Variants in KCNJ15 observed in about 807,000 individuals in gnomAD.
The protein encoded by KCNJ15 is ATP-sensitive inward rectifier potassium channel 15.
A neutral mutation model predicts 23.0 loss-of-function variants in KCNJ15; 14 were observed. The ratio of observed to expected loss-of-function variants is 0.61; its 90% CI spans 0.40 to 0.95. The LOEUF (loss-of-function observed/expected upper bound fraction) is 0.95, where lower values mean the gene tolerates loss of function less well. Ranked by LOEUF, KCNJ15 falls within the 40% of genes least tolerant of loss-of-function variation. The pLI, the probability that KCNJ15 is intolerant of heterozygous loss-of-function variation, is 0.00. For missense variants in KCNJ15, 388 were observed against 461.8 expected (o/e 0.84, Z 1.46); for synonymous variants, 185 against 183.2 (o/e 1.01, Z -0.08).
At chr21:38,276,971 T>A (rs1007191567) in intron 1 of KCNJ15, among the ~76,000 whole-genome samples, 1 of 151,862 alleles carries the variant, frequency 6.6e-6, no homozygotes, top group Non-Finnish European at 1.5e-5. Context: ...AAAAAGAGAC[T>A]CCCACCTTCT....
At chr21:38,256,173 G>A (rs1035762383), upstream of KCNJ15, among the ~76,000 whole-genome samples, 1 of 151,790 alleles carries the variant, frequency 6.6e-6, no homozygotes, top group African/African-American at 2.4e-5. Flanking sequence ...CCCCATTCCC[G>A]AAAGAAGCTT....
intron 1 of KCNJ15, among the ~76,000 whole-genome samples, chr21:38,245,786 C>T (rs1028583025): frequency 3.9e-5 from 6 of 152,174 alleles, no homozygotes; most frequent in Non-Finnish European, 7.4e-5. Flanking sequence ...TCAAACAGAA[C>T]TTTGCCTGAC....
intron 1 of KCNJ15, among the ~76,000 whole-genome samples, chr21:38,296,358 T>G (rs530490571): frequency 6.6e-6 from 1 of 152,234 alleles, no homozygotes; most frequent in Non-Finnish European, 1.5e-5. Context: ...CCTCTTGAAT[T>G]TAAAGGAGAT....
intron 1 of KCNJ15, among the ~76,000 whole-genome samples, 164 bp downstream of exon 1, chr21:38,257,349 G>A (rs996220127): frequency 6.6e-6 from 1 of 152,152 alleles, no homozygotes; most frequent in Non-Finnish European, 1.5e-5. Flanking sequence ...TACAAGTGCT[G>A]TTTGCATGTG....
At chr21:38,274,842 G>T (rs1373864900) in intron 1 of KCNJ15, among the ~76,000 whole-genome samples, 2 of 152,048 alleles carry the variant, frequency 1.3e-5, no homozygotes, top group East Asian at 3.9e-4. Context: ...TTTAATACAG[G>T]CAGCCTCTAA....
chr21:38,233,773 C>T (rs534643373), intron 1 of KCNJ15, among the ~76,000 whole-genome samples: 1 of 152,000 alleles, frequency 6.6e-6, no homozygotes, highest in Non-Finnish European at 1.5e-5. Flanking sequence ...ATGTGTACTA[C>T]CTTAATGCAA....
At chr21:38,288,584 T>G (rs1471284057) in intron 1 of KCNJ15, among the ~76,000 whole-genome samples, 1 of 151,850 alleles carries the variant, frequency 6.6e-6, no homozygotes, top group African/African-American at 2.4e-5. Flanking sequence ...GTTACCCATA[T>G]TTATAAAACA....
At chr21:38,235,634 C>T (rs1471390307) in intron 1 of KCNJ15, among the ~76,000 whole-genome samples, 4 of 151,614 alleles carry the variant, frequency 2.6e-5, no homozygotes, top group East Asian at 1.9e-4. Flanking sequence ...TAGATACCCT[C>T]GATTGCTACC....
Position 38,299,643 on chromosome 21 carries a change from A to T in KCNJ15, c.382A>T (p.Ile128Phe). 2 of 1,614,142 alleles carry T rather than the reference A, an allele frequency of 1.2e-6. No homozygotes were observed. Among genetic ancestry groups the T allele is most frequent in the Non-Finnish European group, 1.7e-6 (2 of 1,180,018 alleles). The change falls in exon 3 of 3, where the codon ATT becomes TTT. Residue 128 changes from isoleucine (I) to phenylalanine (F), a missense_variant. Physicochemically the swap from Ile to Phe is conservative, Grantham distance 21. Coordinates refer to ENST00000398938, the MANE Select transcript of KCNJ15 (RefSeq NM_170736.3). This position sits in a 1 kb window ranked among gnomAD's most constrained non-coding sequence, Gnocchi z 4.5. ...FLFSLESQTT[I>F]GYGVRSITEE... Reference sequence around the variant, plus strand: ...CTTTTCCCTGGAATCCCAGACAACCATTGGCTATGGAGTCCGTTCCATCAC... The same window carrying T: ...CTTTTCCCTGGAATCCCAGACAACCTTTGGCTATGGAGTCCGTTCCATCAC...
rs1985867733 is a variant in KCNJ15, at chr21:38,302,470, A to G, written c.*2081A>G. ...AACGAGAGGGAGGATGTTGTCTTTAATTATTTAGAAGGTTTTTTTTTCCTT... is the reference window on the plus strand; with the variant it reads ...AACGAGAGGGAGGATGTTGTCTTTAGTTATTTAGAAGGTTTTTTTTTCCTT... On this transcript the variant is annotated 3_prime_UTR_variant, in exon 3 of 3. Coordinates refer to ENST00000398938, the MANE Select transcript of KCNJ15 (RefSeq NM_170736.3). 6.6e-6 allele frequency: 1 copy of G among 152,208 alleles called. No individual in the cohort carries two copies. The highest frequency in any genetic ancestry group is 1.5e-5 in the Non-Finnish European group (1 of 68,038). 9.4% of individuals were successfully genotyped at this position (152,208 alleles called of 1,614,324 possible).
At chr21:38,241,333 G>T (rs574937228) in intron 1 of KCNJ15, among the ~76,000 whole-genome samples, 7 of 152,154 alleles carry the variant, frequency 4.6e-5, no homozygotes, top group Non-Finnish European at 1.0e-4. Flanking sequence ...CTGCAGTGGA[G>T]TATTGATTTT....
intron 1 of KCNJ15, among the ~76,000 whole-genome samples, chr21:38,294,933 A>G (rs1469393269): frequency 6.6e-6 from 1 of 152,242 alleles, no homozygotes; most frequent in South Asian, 2.1e-4. Context: ...TCGCCATTCT[A>G]AAAATTGCAA....
Position 38,300,156 on chromosome 21 carries a change from T to G in KCNJ15, c.895T>G (p.Ser299Ala). 1.2e-6 allele frequency: 2 copies of G among 1,614,150 alleles called. No homozygotes were observed. The highest frequency in any genetic ancestry group is 1.7e-6 in the Non-Finnish European group (2 of 1,180,030). Residue 299 changes from serine to alanine, a missense_variant, in exon 3 of 3, where the codon TCT becomes GCT. Transcript: ENST00000398938. ...CAGCGCTGTCTGCCAGAGCCGAACA[T>G]CTTATATCCCAGAGGAAATCTACTG... is the stretch of plus-strand genomic sequence containing the variant. ...STSAVCQSRTSYIPEEIYWGF... is the reference protein window; with the variant it reads ...STSAVCQSRTAYIPEEIYWGF...
chr21:38,290,978 A>G (rs146460590), intron 1 of KCNJ15, among the ~76,000 whole-genome samples: 1 of 61,874 alleles, frequency 1.6e-5, no homozygotes, highest in African/African-American at 8.5e-5. Context: ...GTGTTCTCAA[A>G]TGTCATAAAA....
At chr21:38,282,935 C>T (rs1260246102) in intron 1 of KCNJ15, among the ~76,000 whole-genome samples, 2 of 152,040 alleles carry the variant, frequency 1.3e-5, no homozygotes, top group African/African-American at 2.4e-5. Flanking sequence ...AGCGGGGCCT[C>T]GAGGGATGCG....
intron 1 of KCNJ15, among the ~76,000 whole-genome samples, chr21:38,270,314 G>A (rs1352110571): frequency 6.6e-6 from 1 of 152,196 alleles, no homozygotes; most frequent in Non-Finnish European, 1.5e-5. Context: ...CTGACAGCAC[G>A]TTGGACTTGG....
rs755609146 is a variant in KCNJ15 at position 38,300,315 on chromosome 21, G to A, written c.1054G>A (p.Glu352Lys). ...YCADSEKQQL[E>K]EKYRQEDQRE... ...TGCAGATTCTGAGAAACAGCAACTC[G>A]AGGAGAAGTACAGGCAGGAGGATCA... The change falls in exon 3 of 3, where the codon GAG becomes AAG. Residue 352 changes from glutamate (E) to lysine (K), a missense_variant. By Grantham distance (56) the Glu-to-Lys change is moderately conservative. Transcript: ENST00000398938. 5 of 1,614,072 alleles carry A rather than the reference G, an allele frequency of 3.1e-6. No homozygotes were observed. The highest frequency in any genetic ancestry group is 1.1e-5 in the South Asian group (1 of 91,084).
chr21:38,233,238 G>A (rs901963234), intron 1 of KCNJ15, among the ~76,000 whole-genome samples: 1 of 151,952 alleles, frequency 6.6e-6, no homozygotes, highest in African/African-American at 2.4e-5. Flanking sequence ...TGGTCTTAAA[G>A]TTGATTTTGT....
At position 38,246,748 on chromosome 21, in the gene KCNJ15, G is replaced by A. The variant is rs557427049; in HGVS notation, c.-398-10298G>A. 9.8e-5 allele frequency among the ~76,000 whole-genome samples: 15 copies of A among 152,292 alleles called. 1 individual carries two copies. The highest frequency in any genetic ancestry group is 2.4e-4 in the African/African-American group (10 of 41,562). Reference sequence around the variant, plus strand: ...CACAATACTTGCACCTGGCTGGTATGAGGAGTGTGTGTGTGGGTTAAAGGG... The same window carrying A: ...CACAATACTTGCACCTGGCTGGTATAAGGAGTGTGTGTGTGGGTTAAAGGG... On this transcript the variant is annotated intron_variant, in intron 1 of 4. Coordinates refer to the KCNJ15 transcript ENST00000547341.
Sources: gnomAD v4.1 joint callset for allele counts (sites outside exome capture counted in the v4.1 genomes callset) on GRCh38, gnomAD v4.1.1 for gene constraint, Gnocchi (gnomAD v3.1) non-coding constraint, MANE v1.5 for transcripts, NCBI Gene and HGNC (gene_info 2026-07-23, HGNC 2026-07-21) for gene names.